CDON: variants seen among roughly 807,000 people sequenced by gnomAD.
CDON encodes the protein cell adhesion molecule-related/down-regulated by oncogenes.
CDON carries 73 observed loss-of-function variants against 120.9 expected under a neutral mutation model. The observed-to-expected ratio is 0.60, with a 90% CI of 0.50 to 0.73. The LOEUF is 0.73. Among genes scored for constraint, CDON ranks in the 30% least tolerant of loss-of-function variants. The probability of loss-of-function intolerance (pLI) is 0.00; values close to 1 mark genes in which losing one functional copy is unlikely to be tolerated. For missense variants in CDON, 1,470 were observed against 1,587.3 expected, an observed-to-expected ratio of 0.93 and a Z score of 1.26; for synonymous variants, 566 against 573.5, an observed-to-expected ratio of 0.99 and a Z score of 0.19.
chr11:125,981,781 T>TG (rs1454439836), intron 16 of CDON, among the ~76,000 whole-genome samples: 2 of 151,956 alleles, frequency 1.3e-5, no homozygotes, highest in South Asian at 4.2e-4. Flanking sequence ...TTCTAAGTGC[T>TG]GAAAAAAACT....
intron 18 of CDON, among the ~76,000 whole-genome samples, chr11:125,962,211 G>T (rs990818940): frequency 6.6e-6 from 1 of 152,162 alleles, no homozygotes; most frequent in Admixed American, 6.5e-5. Context: ...TACACCAAAA[G>T]AATACTTAAG....
intron 14 of CDON, among the ~76,000 whole-genome samples, chr11:125,993,859 T>C (rs1404529418): frequency 6.6e-6 from 1 of 152,246 alleles, no homozygotes; most frequent in Non-Finnish European, 1.5e-5. Flanking sequence ...CTTTTCTACA[T>C]GCATTCCAAT....
chr11:126,038,753 T>C (rs1234066321), intron 1 of CDON, among the ~76,000 whole-genome samples: 1 of 152,200 alleles, frequency 6.6e-6, no homozygotes, highest in Admixed American at 6.5e-5. Context: ...CGTTTTAAGA[T>C]GTTTCATAAC....
intron 8 of CDON, 141 bp from the exon 9 acceptor site, chr11:126,006,198 A>T: frequency 1.4e-6 from 1 of 735,136 alleles, no homozygotes; most frequent in Non-Finnish European, 2.4e-6. Flanking sequence ...ACTGCCATTT[A>T]TAATTCATGG....
At chr11:126,058,261 A>C (rs1338980823) in intron 1 of CDON, among the ~76,000 whole-genome samples, 1 of 152,216 alleles carries the variant, frequency 6.6e-6, no homozygotes, top group Admixed American at 6.5e-5. Context: ...CCCTACTCAC[A>C]TTCCAACAGA....
chr11:125,989,169 T>C lies in CDON; in HGVS notation c.2773+468A>G, dbSNP rs183533798. Among the ~76,000 whole-genome samples the C allele has an allele frequency of 1.4e-3, 219 of 152,352 alleles. 3 individuals carry two copies. The highest frequency in any genetic ancestry group is 8.8e-5 in the Non-Finnish European group (6 of 68,036). On this transcript the variant is annotated intron_variant, in intron 15 of 19. Coordinates refer to ENST00000531738, the MANE Select transcript of CDON (RefSeq NM_001378964.1). ...AACAAGCATTCTAGCCCACATATTA[T>C]ACATTTGTTGGGACAGTCTAAGTGT...
chr11:126,040,671 C>T (rs1045058505), intron 1 of CDON, among the ~76,000 whole-genome samples: 1 of 150,156 alleles, frequency 6.7e-6, no homozygotes, highest in East Asian at 2.0e-4. Context: ...AAAAATTATC[C>T]GGGCCTGGTG....
Position 125,958,967 on chromosome 11 carries a change from GAAGT to G in CDON, c.*1971_*1974del, listed in dbSNP as rs952314712. On this transcript the variant is annotated 3_prime_UTR_variant, in exon 20 of 20. Transcript: ENST00000531738. ...GGGACTTTGTCCTTTGCTAGTCACA[GAAGT>G]AAGGGATGCAGCTATCCCCCTCCAG... 6.6e-6 allele frequency: 1 copy of G among 152,184 alleles called. No homozygotes were observed. The highest frequency in any genetic ancestry group is 1.5e-5 in the Non-Finnish European group (1 of 68,048). 9.4% of individuals were successfully genotyped at this position (152,184 alleles called of 1,614,324 possible).
rs116849194 is a variant in CDON at position 126,031,885 on chromosome 11, C to T, written c.-61-8348G>A. On this transcript the variant is annotated intron_variant, in intron 1 of 19. Transcript: ENST00000531738. The stretch of plus-strand genomic sequence containing the variant: ...TTCACCAGCCTCAAGGCTTCTCTTC[C>T]TCCTTTGACAAGCATAATAAACTCA... 2.4e-3 allele frequency among the ~76,000 whole-genome samples: 359 copies of T among 152,310 alleles called. 2 individuals are homozygous for T. Among genetic ancestry groups the T allele is most frequent in the Middle Eastern group, 6.8e-3 (2 of 294 alleles).
In CDON at chr11:126,017,227, T is replaced by G. The variant is rs1947495706; in HGVS notation, c.789A>C (p.Ala263=). 5.6e-6 allele frequency: 9 copies of G among 1,614,146 alleles called. No homozygotes were observed. The highest frequency in any genetic ancestry group is 7.6e-6 in the Non-Finnish European group (9 of 1,180,026). ...VYWLKDGQDI[A]PGSNWRRLYS... ...ACAACCTTCTCCAGTTGCTTCCTGG[T>G]GCAATGTCCTGCCCGTCCTTTAGCC... The change falls in exon 6 of 20, where the codon GCA becomes GCC. Residue 263 remains alanine (A), a synonymous_variant. Transcript: ENST00000531738.
intron 1 of CDON, among the ~76,000 whole-genome samples, chr11:126,033,186 T>C (rs549279400): frequency 6.6e-6 from 1 of 152,186 alleles, no homozygotes; most frequent in Admixed American, 6.6e-5. Context: ...GAGTGGATGA[T>C]GTGCATTTAC....
chr11:126,048,282 C>CAAAAAAAAAAA (rs1239820423), intron 1 of CDON, among the ~76,000 whole-genome samples: 20 of 119,368 alleles, frequency 1.7e-4, no homozygotes, highest in Admixed American at 3.6e-4. Context: ...GACTCTGTCT[C>CAAAAAAAAAAA]AAAAAAAAAA....
At chr11:126,000,883 C>T (rs1461355246) in intron 11 of CDON, among the ~76,000 whole-genome samples, 1 of 152,152 alleles carries the variant, frequency 6.6e-6, no homozygotes, top group Non-Finnish European at 1.5e-5. Flanking sequence ...CCTAGATGTC[C>T]TGCCTGATGT....
At chr11:125,981,639 T>C (rs1712000588) in intron 16 of CDON, among the ~76,000 whole-genome samples, 2 of 152,196 alleles carry the variant, frequency 1.3e-5, no homozygotes, top group Admixed American at 6.5e-5. Flanking sequence ...GAGTTAATTA[T>C]GATTCTGTTA....
chr11:125,979,810 T>G (rs545568572), intron 17 of CDON, among the ~76,000 whole-genome samples: 40 of 152,344 alleles, frequency 2.6e-4, no homozygotes, highest in Admixed American at 9.2e-4. Flanking sequence ...TTAGAAAGTC[T>G]GAATACATGC....
At position 125,964,296 on chromosome 11, in the gene CDON, T is replaced by C. The variant is rs993455610; in HGVS notation, c.3357-2298A>G. 2.0e-5 allele frequency among the ~76,000 whole-genome samples: 3 copies of C among 152,236 alleles called. No homozygotes were observed. The South Asian group carries it at 6.2e-4, about 32-fold the overall frequency. On this transcript the variant is annotated intron_variant, in intron 18 of 19. Transcript: ENST00000531738. Reference sequence around the variant, plus strand: ...TAACCTTATCTGAAAGAACCCTTTATTGAGAAAGCATTTGCTAAATACCTT... The same window carrying C: ...TAACCTTATCTGAAAGAACCCTTTACTGAGAAAGCATTTGCTAAATACCTT...
intron 4 of CDON, among the ~76,000 whole-genome samples, chr11:126,019,245 G>A (rs756638491): frequency 6.6e-6 from 1 of 152,086 alleles, no homozygotes; most frequent in Non-Finnish European, 1.5e-5. Context: ...TATGTGGGGA[G>A]GTCAGAGGAA....
chr11:125,996,427 G>A (rs765717456), intron 12 of CDON, among the ~76,000 whole-genome samples: 72 of 152,116 alleles, frequency 4.7e-4, no homozygotes, highest in Non-Finnish European at 8.5e-4. Flanking sequence ...ACGATCCTGC[G>A]GTGGCTCACG....
Position 126,016,844 on chromosome 11 carries a change from T to A in CDON, c.928+244A>T, listed in dbSNP as rs76739306. ...CCATGTTATGAAGAAGGGAGAATAATTTCTATATTGTACAACGAGGTTGGG... is the reference window on the plus strand; with the variant it reads ...CCATGTTATGAAGAAGGGAGAATAAATTCTATATTGTACAACGAGGTTGGG... On this transcript the variant is annotated intron_variant, in intron 6 of 19. Coordinates refer to ENST00000531738, the MANE Select transcript of CDON (RefSeq NM_001378964.1). 4.0e-3 allele frequency among the ~76,000 whole-genome samples: 607 copies of A among 152,228 alleles called. 3 individuals carry two copies. The highest frequency in any genetic ancestry group is 0.013 in the African/African-American group (550 of 41,538).
Sources: allele counts gnomAD v4.1 joint callset (sites outside exome capture counted in the v4.1 genomes callset), GRCh38; gene constraint gnomAD v4.1.1; transcripts MANE v1.5; gene names NCBI Gene and HGNC (gene_info 2026-07-23, HGNC 2026-07-21).